TMCC2: variants seen among roughly 807,000 people sequenced by gnomAD.
TMCC2 encodes the protein transmembrane and coiled-coil domains protein 2.
A neutral mutation model predicts 49.4 loss-of-function variants in TMCC2; 16 were observed. That is an observed-to-expected ratio of 0.32 (90% CI 0.22 to 0.49). The LOEUF (loss-of-function observed/expected upper bound fraction) is 0.49, where lower values mean the gene tolerates loss of function less well. Ranked by LOEUF, TMCC2 falls within the 20% of genes least tolerant of loss-of-function variation. TMCC2 has a pLI of 0.99. For synonymous variants in TMCC2, 397 were observed against 434.1 expected (o/e 0.91, Z 1.06); for missense variants, 762 against 989.8 (o/e 0.77, Z 3.09).
intron 2 of TMCC2, chr1:205,256,107 T>C: frequency 9.8e-7 from 1 of 1,020,066 alleles, no homozygotes. Context: ...CACTGGGCCC[T>C]TATCTCTTCA....
chr1:205,229,794 C>T (rs1218292573), intron 1 of TMCC2: 1 of 985,406 alleles, frequency 1.0e-6, no homozygotes, highest in Non-Finnish European at 1.2e-6. Flanking sequence ...GTTTATTTTC[C>T]GGCCTGAGGT....
Position 205,271,806 on chromosome 1 carries a change from C to T in TMCC2, c.1819-7C>T. 6.2e-7 allele frequency: 1 copy of T among 1,607,038 alleles called. No individual in the cohort carries two copies. The highest frequency in any genetic ancestry group is 1.3e-5 in the African/African-American group (1 of 75,016). On this transcript the variant is annotated splice_region_variant and splice_polypyrimidine_tract_variant and intron_variant, in intron 4 of 4. Transcript: ENST00000358024. ...GCGCACACATGCCAGCCCCTCTGCCCCTGCAGGAGGCCGTGGAGTCCTGCC... is the reference window on the plus strand; with the variant it reads ...GCGCACACATGCCAGCCCCTCTGCCTCTGCAGGAGGCCGTGGAGTCCTGCC...
intron 2 of TMCC2, among the ~76,000 whole-genome samples, chr1:205,250,208 C>A (rs1024312738): frequency 3.3e-5 from 5 of 152,176 alleles, no homozygotes; most frequent in Admixed American, 2.6e-4. Flanking sequence ...AGCCTTTATG[C>A]ATCTTTTCCC....
At chr1:205,228,948 C>G (rs1659672472) in intron 1 of TMCC2, 177 bp downstream of exon 1, 4 of 1,413,100 alleles carry the variant, frequency 2.8e-6, no homozygotes, top group Non-Finnish European at 3.7e-6. Context: ...ATGCCTCTGT[C>G]TTTCAGCTCC....
In TMCC2 at chr1:205,228,559, T is replaced by C. The variant is rs1186411237; in HGVS notation, c.-6T>C. 1 of 1,600,798 alleles carries C rather than the reference T, an allele frequency of 6.2e-7. No homozygotes were observed. The highest frequency in any genetic ancestry group is 8.5e-7 in the Non-Finnish European group (1 of 1,170,268). On this transcript the variant is annotated 5_prime_UTR_variant, in exon 1 of 5. Transcript: ENST00000358024. The stretch of plus-strand genomic sequence containing the variant: ...GACAGATTCCCCTTGCCGACCCACA[T>C]ACACCATGAAGAGGTGCAGATCGGA...
chr1:205,267,098 G>T (rs986005688), intron 2 of TMCC2, among the ~76,000 whole-genome samples: 57 of 152,184 alleles, frequency 3.7e-4, no homozygotes, highest in African/African-American at 1.3e-3. Flanking sequence ...GAGGTCAAGG[G>T]GGGATGAGGG....
intron 1 of TMCC2, among the ~76,000 whole-genome samples, chr1:205,232,065 T>C (rs919476087): frequency 9.2e-5 from 14 of 152,138 alleles, no homozygotes; most frequent in African/African-American, 3.1e-4. Flanking sequence ...TGACAGTTAG[T>C]GGTTTCATGG....
intron 2 of TMCC2, 46 bp from the exon 3 acceptor site, chr1:205,268,904 G>C: frequency 6.3e-7 from 1 of 1,585,692 alleles, no homozygotes; most frequent in Non-Finnish European, 8.6e-7. Context: ...GCACTCCTAT[G>C]GTCCCAGGGT....
Position 205,271,880 on chromosome 1 carries a change from T to G in TMCC2, c.1886T>G (p.Val629Gly), listed in dbSNP as rs1574875445. 6.2e-7 allele frequency: 1 copy of G among 1,614,012 alleles called. No individual in the cohort carries two copies. Among genetic ancestry groups the G allele is most frequent in the Non-Finnish European group, 8.5e-7 (1 of 1,180,026 alleles). Reference sequence around the variant, plus strand: ...CTGCAGCAGCAACAGCAGCAGGTGGTACAGCTGGAGGGCGTGGAGAATGCC... The same window carrying G: ...CTGCAGCAGCAACAGCAGCAGGTGGGACAGCTGGAGGGCGTGGAGAATGCC... ...LELQQQQQQV[V>G]QLEGVENANA... Residue 629 changes from valine to glycine, a missense_variant, in exon 5 of 5, where the codon GTA becomes GGA. Coordinates refer to ENST00000358024, the MANE Select transcript of TMCC2 (RefSeq NM_014858.4).
chr1:205,249,043 G>C (rs1363739561), intron 2 of TMCC2, among the ~76,000 whole-genome samples: 1 of 152,168 alleles, frequency 6.6e-6, no homozygotes, highest in Non-Finnish European at 1.5e-5. Context: ...GGGGACAGGA[G>C]GACTCTTATG....
chr1:205,255,588 A>T (rs1473462514), intron 2 of TMCC2, among the ~76,000 whole-genome samples: 1 of 152,142 alleles, frequency 6.6e-6, no homozygotes, highest in African/African-American at 2.4e-5. Flanking sequence ...CTTGAGTATG[A>T]GAAGACCAAG....
intron 1 of TMCC2, among the ~76,000 whole-genome samples, chr1:205,231,497 A>G (rs182295237): frequency 1.3e-5 from 2 of 152,124 alleles, no homozygotes; most frequent in East Asian, 1.9e-4. Context: ...GGGTCTTGCT[A>G]TATTGCCTAG....
intron 4 of TMCC2, 158 bp downstream of exon 4, chr1:205,271,413 C>CGGAGT: frequency 8.1e-7 from 1 of 1,240,600 alleles, no homozygotes; most frequent in South Asian, 1.3e-5. Context: ...GTAGCGGGAG[C>CGGAGT]GGAGTGGAGT....
chr1:205,262,343 G>A (rs1661151761), intron 2 of TMCC2, among the ~76,000 whole-genome samples: 1 of 152,146 alleles, frequency 6.6e-6, no homozygotes, highest in Admixed American at 6.6e-5. Flanking sequence ...AGAGAAGAGG[G>A]GCTAGCAAGA....
chr1:205,242,097 TG>T, intron 2 of TMCC2, 53 bp downstream of exon 2: 1 of 1,502,178 alleles, frequency 6.7e-7, no homozygotes, highest in Non-Finnish European at 8.9e-7. Flanking sequence ...GGCCATCCGC[TG>T]AGGGGCCTTG....
chr1:205,250,179 G>A (rs1660610442), intron 2 of TMCC2, among the ~76,000 whole-genome samples: 1 of 152,126 alleles, frequency 6.6e-6, no homozygotes, highest in South Asian at 2.1e-4. Flanking sequence ...CAGCCACCAG[G>A]TAACTGGCCT....
chr1:205,270,918 T>A (rs1661562912), intron 3 of TMCC2, among the ~76,000 whole-genome samples: 1 of 152,222 alleles, frequency 6.6e-6, no homozygotes, highest in African/African-American at 2.4e-5. Flanking sequence ...GTAGGTAAAA[T>A]GCTTAGCACA....
intron 2 of TMCC2, among the ~76,000 whole-genome samples, chr1:205,247,274 C>CTTGG (rs1240153137): frequency 1.3e-5 from 2 of 152,068 alleles, no homozygotes; most frequent in Non-Finnish European, 2.9e-5. Context: ...CCTATGGCAC[C>CTTGG]CAGCTAGGTC....
chr1:205,240,728 G>C lies in TMCC2; in HGVS notation c.208-777G>C, dbSNP rs117443299. On this transcript the variant is annotated intron_variant, in intron 1 of 4. Transcript: ENST00000358024. ...TCGTCAACCATGTCATCTTGTGGTT[G>C]CAGAATGGCCACTGCATCTCCAGGC... Among the ~76,000 whole-genome samples, 72 of 152,290 alleles carry C rather than the reference G, an allele frequency of 4.7e-4. 1 individual carries two copies. In the East Asian group the frequency reaches 0.011, roughly 23 times the overall value.
Sources: gnomAD v4.1 joint callset for allele counts (sites outside exome capture counted in the v4.1 genomes callset) on GRCh38, gnomAD v4.1.1 for gene constraint, MANE v1.5 for transcripts, NCBI Gene and HGNC (gene_info 2026-07-23, HGNC 2026-07-21) for gene names.